RNF145: variants seen among roughly 807,000 people sequenced by gnomAD.
RNF145 encodes ring finger protein 145.
RNF145 carries 12 observed loss-of-function variants against 57.3 expected under a neutral mutation model. The observed-to-expected ratio is 0.21, with a 90% CI of 0.13 to 0.34. The LOEUF is 0.34. RNF145 is among the 10% of genes least tolerant of loss of function. The pLI, the probability that RNF145 is intolerant of heterozygous loss-of-function variation, is 1.00. For missense variants in RNF145, 429 were observed against 799.0 expected, an observed-to-expected ratio of 0.54 and a Z score of 5.58; for synonymous variants, 262 against 288.3, an observed-to-expected ratio of 0.91 and a Z score of 0.92.
At chr5:159,169,408 A>G (rs1030559900) in intron 7 of RNF145, among the ~76,000 whole-genome samples, 5 of 152,214 alleles carry the variant, frequency 3.3e-5, no homozygotes, top group African/African-American at 1.2e-4. Flanking sequence ...TTCAAATGGG[A>G]AAAAGCACGC....
chr5:159,187,230 C>A (rs1399109679), intron 3 of RNF145, among the ~76,000 whole-genome samples: 2 of 151,474 alleles, frequency 1.3e-5, no homozygotes, highest in African/African-American at 2.4e-5. Flanking sequence ...TGCAGTGAGC[C>A]AAGATCACGC....
rs569048078 is a variant in RNF145 at position 159,181,922 on chromosome 5, G to A, written c.385+38C>T. On this transcript the variant is annotated intron_variant, in intron 4 of 10. Coordinates refer to ENST00000424310, the MANE Select transcript of RNF145 (RefSeq NM_001199383.2). ...ATTTTATAAGTTAGTAAGACTGGTC[G>A]GTTCCTACCTACACTTTAATTCTTT... is the stretch of plus-strand genomic sequence containing the variant. The A allele has an allele frequency of 1.4e-5, 16 of 1,164,038 alleles. No homozygotes were observed. The East Asian group carries it at 1.4e-4, about 10-fold the overall frequency. The allele number at this position is 1,164,038 out of a possible 1,614,324, so 72.1% of individuals were successfully genotyped here.
chr5:159,178,884 TCTA>T (rs370871539), intron 4 of RNF145, among the ~76,000 whole-genome samples: 189 of 152,110 alleles, frequency 1.2e-3, no homozygotes, highest in African/African-American at 4.3e-3. Flanking sequence ...CTTACAACAA[TCTA>T]CTATGTCATA....
At chr5:159,206,747 A>G (rs1785899938) in intron 1 of RNF145, among the ~76,000 whole-genome samples, 1 of 152,192 alleles carries the variant, frequency 6.6e-6, no homozygotes, top group South Asian at 2.1e-4. Context: ...TAAGCAGGAG[A>G]GCTGAAAGCA....
At chr5:159,207,579 T>C (rs1317303317) in intron 1 of RNF145, 20 of 1,594,388 alleles carry the variant, frequency 1.3e-5, no homozygotes, top group Non-Finnish European at 1.7e-5. Flanking sequence ...TCGGTTAGGA[T>C]GGTAGGCCTC....
intron 1 of RNF145, 24 bp from the exon 2 acceptor site, chr5:159,203,680 AT>A: frequency 2.0e-6 from 3 of 1,489,452 alleles, no homozygotes; most frequent in Non-Finnish European, 2.7e-6. Flanking sequence ...GACACAATAT[AT>A]AAAAATAAAA....
Position 159,177,132 on chromosome 5 carries a change from T to G in RNF145, c.386-265A>C, listed in dbSNP as rs541410803. ...TCCACTGGTCGTCTGTGATGCCATG[T>G]GTAATATGAAGAAAACTTTAAACAA... is the stretch of plus-strand genomic sequence containing the variant. On this transcript the variant is annotated intron_variant, in intron 4 of 10. Coordinates refer to ENST00000424310, the MANE Select transcript of RNF145 (RefSeq NM_001199383.2). Among the ~76,000 whole-genome samples, 3 of 152,228 alleles carry G rather than the reference T, an allele frequency of 2.0e-5. No homozygotes were observed. In the South Asian group the frequency reaches 6.2e-4, roughly 31 times the overall value.
chr5:159,165,721 AAAAAAAAAAAAAT>A (rs1784373413), intron 8 of RNF145, among the ~76,000 whole-genome samples: 2 of 6,956 alleles, frequency 2.9e-4, no homozygotes, highest in Non-Finnish European at 4.4e-4. Flanking sequence ...AAAAAAAAAA[AAAAAAAAAAAAAT>A]AATAATATCC....
chr5:159,182,429 C>T (rs180995970), intron 3 of RNF145, among the ~76,000 whole-genome samples: 70 of 152,158 alleles, frequency 4.6e-4, no homozygotes, highest in African/African-American at 1.7e-3. Context: ...GGCTATCTTC[C>T]ACCACCATCA....
In RNF145 at chr5:159,203,638, T is replaced by C. The variant is rs1266265534; in HGVS notation, c.-21A>G. The C allele has an allele frequency of 1.3e-6, 2 of 1,592,994 alleles. No individual in the cohort carries two copies. Among genetic ancestry groups the C allele is most frequent in the South Asian group, 1.2e-5 (1 of 86,022 alleles). On this transcript the variant is annotated 5_prime_UTR_variant, in exon 2 of 11. Coordinates refer to ENST00000424310, the MANE Select transcript of RNF145 (RefSeq NM_001199383.2). ...GCCATGTTGTTTTTTTTTTTCTTTT[T>C]TTTTTTCTTGGAGAAGACCTAAAAT... is the stretch of plus-strand genomic sequence containing the variant.
chr5:159,188,085 G>C (rs1785145332), intron 3 of RNF145, among the ~76,000 whole-genome samples: 1 of 152,022 alleles, frequency 6.6e-6, no homozygotes, highest in Non-Finnish European at 1.5e-5. Flanking sequence ...ATAAAACAAG[G>C]AATTTAAGAA....
intron 8 of RNF145, among the ~76,000 whole-genome samples, chr5:159,164,378 G>A (rs1403949316): frequency 6.6e-6 from 1 of 152,108 alleles, no homozygotes; most frequent in Non-Finnish European, 1.5e-5. Flanking sequence ...ATCTAATAGG[G>A]CAATCTGCCT....
intron 8 of RNF145, among the ~76,000 whole-genome samples, chr5:159,166,740 A>G (rs930422249): frequency 6.6e-6 from 1 of 152,188 alleles, no homozygotes; most frequent in African/African-American, 2.4e-5. Flanking sequence ...GAAATACTTT[A>G]AAAATTGTCT....
chr5:159,180,287 G>A (rs910049187), intron 4 of RNF145, among the ~76,000 whole-genome samples: 2 of 152,038 alleles, frequency 1.3e-5, no homozygotes, highest in African/African-American at 4.8e-5. Context: ...AGTACCCTTG[G>A]TGCTTGGTAT....
At position 159,203,621 on chromosome 5, in the gene RNF145, G is replaced by GT. The variant is rs76451527; in HGVS notation, c.-5dup. ...CCAGTTTCTCCTTTGCAGCCATGTT[G>GT]TTTTTTTTTTTCTTTTTTTTTTTCT... On this transcript the variant is annotated 5_prime_UTR_variant, in exon 2 of 11. Coordinates refer to ENST00000424310, the MANE Select transcript of RNF145 (RefSeq NM_001199383.2). 0.072 allele frequency: 68,472 copies of GT among 947,196 alleles called. 2 individuals carry two copies. The highest frequency in any genetic ancestry group is 0.081 in the Non-Finnish European group (55,486 of 688,348). The allele number at this position is 947,196 out of a possible 1,614,324, so 58.7% of individuals were successfully genotyped here.
intron 8 of RNF145, among the ~76,000 whole-genome samples, chr5:159,166,066 G>C (rs2113097124): frequency 6.6e-6 from 1 of 152,270 alleles, no homozygotes; most frequent in African/African-American, 2.4e-5. Context: ...CTGTGGAGCT[G>C]CAACTTCCCC....
chr5:159,159,830 T>A (rs1320160720), intron 10 of RNF145, among the ~76,000 whole-genome samples: 1 of 152,196 alleles, frequency 6.6e-6, no homozygotes, highest in African/African-American at 2.4e-5. Context: ...TATAAAGACA[T>A]AACGTTTCGT....
chr5:159,158,607 G>A lies in RNF145; in HGVS notation c.*63C>T, dbSNP rs550760129. On this transcript the variant is annotated 3_prime_UTR_variant, in exon 11 of 11. Transcript: ENST00000424310. ...ATTTTCATTCCTCAAATCAGAACAT[G>A]AATTCCATCTTGAGTTAACTTCTCC... 2.8e-4 allele frequency: 429 copies of A among 1,534,886 alleles called. 1 individual carries two copies. Among genetic ancestry groups the A allele is most frequent in the Non-Finnish European group, 4.1e-5 (46 of 1,135,144 alleles).
At chr5:159,162,803 AAG>A (rs925978671) in intron 9 of RNF145, 127 bp downstream of exon 9, 16 of 675,932 alleles carry the variant, frequency 2.4e-5, no homozygotes, top group Non-Finnish European at 3.4e-5. Flanking sequence ...TGTTCTAGTA[AAG>A]AGAGAGAGAA....
Sources: gnomAD v4.1 joint callset for allele counts (sites outside exome capture counted in the v4.1 genomes callset) on GRCh38, gnomAD v4.1.1 for gene constraint, MANE v1.5 for transcripts, NCBI Gene and HGNC (gene_info 2026-07-23, HGNC 2026-07-21) for gene names.